Variants in SAMD5 observed in about 807,000 individuals in gnomAD.
SAMD5 encodes the protein sterile alpha motif domain containing 5.
SAMD5 carries 13 observed loss-of-function variants against 11.3 expected under a neutral mutation model. The observed-to-expected ratio is 1.15, with a 90% CI of 0.75 to 1.83. SAMD5 has a LOEUF of 1.83. Among genes scored for constraint, SAMD5 ranks in the 40% most tolerant of loss-of-function variants. SAMD5 has a pLI of 0.00. For synonymous variants in SAMD5, 129 were observed against 111.3 expected (o/e 1.16, Z -1.00); for missense variants, 255 against 239.1 (o/e 1.07, Z -0.44).
chr6:147,713,833 C>G (rs909442333), intron 1 of SAMD5, among the ~76,000 whole-genome samples: 1 of 152,128 alleles, frequency 6.6e-6, no homozygotes, highest in African/African-American at 2.4e-5. Context: ...TCTCTCCTCC[C>G]TTACTCTTCC....
At chr6:147,942,302 A>G in the SAMD5 span, among the ~76,000 whole-genome samples, 192 of 152,304 alleles carry the variant, frequency 1.3e-3, no homozygotes, top group African/African-American at 4.5e-3. Flanking sequence ...GGCACTCCCA[A>G]GCTTTCAGAT....
At chr6:147,931,351 T>C in the SAMD5 span, among the ~76,000 whole-genome samples, 1 of 152,198 alleles carries the variant, frequency 6.6e-6, no homozygotes. Context: ...CTTATTCAGC[T>C]CTCTCCTTCA....
chr6:147,844,131 C>G, the SAMD5 span, among the ~76,000 whole-genome samples: 4 of 152,050 alleles, frequency 2.6e-5, no homozygotes, highest in African/African-American at 9.7e-5. Context: ...ATAAGGAACT[C>G]AAACTACTCA....
chr6:147,931,049 GTTACCA>G, the SAMD5 span, among the ~76,000 whole-genome samples: 1 of 152,130 alleles, frequency 6.6e-6, no homozygotes, highest in Non-Finnish European at 1.5e-5. Flanking sequence ...CATCACAGGA[GTTACCA>G]GTTTTCTTAA....
At chr6:147,648,242 C>CA (rs1277315259) in intron 1 of SAMD5, among the ~76,000 whole-genome samples, 1 of 152,126 alleles carries the variant, frequency 6.6e-6, no homozygotes, top group Non-Finnish European at 1.5e-5. Flanking sequence ...TGGCAGAAGG[C>CA]AAAAGGAAGT....
At chr6:147,677,920 A>C (rs933868936) in intron 1 of SAMD5, among the ~76,000 whole-genome samples, 3 of 152,160 alleles carry the variant, frequency 2.0e-5, no homozygotes, top group Non-Finnish European at 4.4e-5. Context: ...TACCCTGAAA[A>C]TAGCTGCTCC....
chr6:147,759,883 T>C, the SAMD5 span, among the ~76,000 whole-genome samples: 1 of 152,180 alleles, frequency 6.6e-6, no homozygotes. Flanking sequence ...TACAATATTA[T>C]ACAGAATATG....
the SAMD5 span, among the ~76,000 whole-genome samples, chr6:147,786,229 T>A: frequency 5.3e-5 from 8 of 152,352 alleles, no homozygotes; most frequent in Admixed American, 1.3e-4. Flanking sequence ...GACCTTTATA[T>A]CAACTAAAAT....
At chr6:147,638,226 CG>C (rs1220483607) in intron 1 of SAMD5, among the ~76,000 whole-genome samples, 1 of 152,086 alleles carries the variant, frequency 6.6e-6, no homozygotes, top group Non-Finnish European at 1.5e-5. Flanking sequence ...CATTGCTTCT[CG>C]ATAAGAAACA....
rs1791324118 is a variant in SAMD5, at chr6:147,706,270, G to A, written c.163-31047G>A. ...GGAGTCTTACTTTGTTACCCAGGCT[G>A]GAGTGCAGTGGCGCGATCTTGGCTC... On this transcript the variant is annotated intron_variant, in intron 1 of 1. Transcript: ENST00000566741. 1.3e-5 allele frequency among the ~76,000 whole-genome samples: 2 copies of A among 152,028 alleles called. 1 individual carries two copies. The highest frequency in any genetic ancestry group is 4.1e-4 in the South Asian group (2 of 4,822).
At chr6:147,701,003 G>A (rs546190181) in intron 1 of SAMD5, among the ~76,000 whole-genome samples, 1 of 152,272 alleles carries the variant, frequency 6.6e-6, no homozygotes, top group South Asian at 2.1e-4. Context: ...TGGTAGAAAA[G>A]GATCCTTGAA....
intron 1 of SAMD5, among the ~76,000 whole-genome samples, chr6:147,697,290 C>G (rs1001392357): frequency 6.6e-6 from 1 of 152,202 alleles, no homozygotes; most frequent in African/African-American, 2.4e-5. Context: ...TAAAATGAAC[C>G]TAAATACATG....
intron 1 of SAMD5, among the ~76,000 whole-genome samples, chr6:147,602,007 G>A (rs758949895): frequency 3.9e-5 from 6 of 152,220 alleles, no homozygotes; most frequent in Admixed American, 2.0e-4. Context: ...GATCTCGTTA[G>A]TATAACAGCA....
chr6:147,689,942 A>T (rs1791077284), intron 1 of SAMD5, among the ~76,000 whole-genome samples: 1 of 152,210 alleles, frequency 6.6e-6, no homozygotes, highest in Admixed American at 6.5e-5. Context: ...TTGGAAAAAA[A>T]TTTCAAAGAG....
chr6:147,616,256 A>C (rs1270291483), intron 1 of SAMD5, among the ~76,000 whole-genome samples: 4 of 142,708 alleles, frequency 2.8e-5, no homozygotes, highest in African/African-American at 1.1e-4. Context: ...ATATTTATTC[A>C]TATATATTTC....
chr6:147,687,725 G>C (rs1042390823), intron 1 of SAMD5, among the ~76,000 whole-genome samples: 1 of 152,178 alleles, frequency 6.6e-6, no homozygotes, highest in Non-Finnish European at 1.5e-5. Context: ...CCTGTAGAGT[G>C]TTTTTGGCTG....
chr6:147,570,927 C>G (rs916340626), downstream of SAMD5, among the ~76,000 whole-genome samples: 15 of 152,170 alleles, frequency 9.9e-5, no homozygotes, highest in African/African-American at 3.1e-4. Flanking sequence ...ATCCTCTAAT[C>G]CTGGCTTTTG....
chr6:147,574,893 CTG>C (rs1789196550), downstream of SAMD5, among the ~76,000 whole-genome samples: 1 of 152,334 alleles, frequency 6.6e-6, no homozygotes, highest in Admixed American at 6.5e-5. Flanking sequence ...CATATTCAAA[CTG>C]TAGCATTCTG....
intron 1 of SAMD5, among the ~76,000 whole-genome samples, chr6:147,520,822 TCAAG>T (rs1201359751): frequency 1.3e-5 from 2 of 152,184 alleles, no homozygotes; most frequent in Non-Finnish European, 2.9e-5. Flanking sequence ...AATGATTAAA[TCAAG>T]CTAGCTTATC....
Sources: allele counts gnomAD v4.1 joint callset (sites outside exome capture counted in the v4.1 genomes callset), GRCh38; gene constraint gnomAD v4.1.1; transcripts MANE v1.5; gene names NCBI Gene and HGNC (gene_info 2026-07-23, HGNC 2026-07-21).